SERGEF: variants seen among roughly 807,000 people sequenced by gnomAD.
SERGEF encodes the protein secretion-regulating guanine nucleotide exchange factor.
In SERGEF, 51 loss-of-function variants were observed where a neutral mutation model predicts 50.0. The observed-to-expected ratio is 1.02, with a 90% confidence interval of 0.81 to 1.29. The LOEUF is 1.29. SERGEF is among the 50% of genes most tolerant of loss of function. The pLI is 0.00. For missense variants in SERGEF, 521 were observed against 557.0 expected (o/e 0.94, Z 0.65); for synonymous variants, 205 against 212.4 (o/e 0.97, Z 0.30).
Position 17,959,528 on chromosome 11 carries a change from C to A in SERGEF, c.953G>T (p.Cys318Phe), listed in dbSNP as rs1202676165. The part of the protein sequence containing the change: ...KLEKQDSFLP[C>F]SRPPNSMPSS... Reference sequence around the variant, plus strand: ...AGGCATGCTGTTCGGTGGTCTTGAACAGGGGAGAAATGAATCTTGCTTTTC... The same window carrying A: ...AGGCATGCTGTTCGGTGGTCTTGAAAAGGGGAGAAATGAATCTTGCTTTTC... Residue 318 changes from cysteine to phenylalanine, a missense_variant, in exon 9 of 11, where the codon TGT (cysteine) becomes TTT (phenylalanine). Cys to Phe is a radical substitution (Grantham distance 205). Transcript: ENST00000265965. 8 of 1,614,102 alleles carry A rather than the reference C, an allele frequency of 5.0e-6. No individual in the cohort carries two copies. In the Middle Eastern group the frequency reaches 6.6e-4, roughly 133 times the overall value.
intron 4 of SERGEF, chr11:18,002,060 T>C (rs1170179784): frequency 2.2e-6 from 1 of 456,108 alleles, no homozygotes; most frequent in Non-Finnish European, 4.4e-6. Flanking sequence ...ACTATACTTC[T>C]GTCAATGGAG....
chr11:18,002,490 G>C (rs1853983741), intron 4 of SERGEF, among the ~76,000 whole-genome samples: 2 of 152,130 alleles, frequency 1.3e-5, no homozygotes, highest in Admixed American at 6.5e-5. Flanking sequence ...TCATTCCGTT[G>C]CACCTTTGCT....
chr11:17,936,685 G>T (rs541750319), intron 9 of SERGEF, among the ~76,000 whole-genome samples: 2 of 152,164 alleles, frequency 1.3e-5, no homozygotes. Flanking sequence ...ATTTCACAGA[G>T]AGACTCACAG....
chr11:17,846,584 C>T (rs967256680), intron 10 of SERGEF: 5 of 413,294 alleles, frequency 1.2e-5, no homozygotes, highest in Non-Finnish European at 2.0e-5. Flanking sequence ...TAAAAAATCA[C>T]CTCCAGCATG....
intron 9 of SERGEF, among the ~76,000 whole-genome samples, chr11:17,898,576 A>G (rs923476928): frequency 2.6e-5 from 4 of 152,240 alleles, no homozygotes; most frequent in African/African-American, 9.6e-5. Context: ...TCCACTGAAT[A>G]TCTAATGGCC....
At position 17,896,883 on chromosome 11, in the gene SERGEF, G is replaced by GT. The variant is rs549692747; in HGVS notation, c.1012-18640_1012-18639insA. Among the ~76,000 whole-genome samples the GT allele has an allele frequency of 8.0e-3, 149 of 18,722 alleles. 23 individuals carry two copies. The highest frequency in any genetic ancestry group is 0.031 in the Middle Eastern group (1 of 32). The allele number at this position is 18,722 out of a possible 152,430, so 12.3% of individuals were successfully genotyped here. A position where few individuals can be genotyped will look rare whatever the true frequency, so the allele number is the denominator to read the frequency against. The stretch of plus-strand genomic sequence containing the variant: ...GAAGGGAAGGGAAGGGAAGGGAAGG[G>GT]AAGGGAAGGGAAGGGAAGGGAAGGG... On this transcript the variant is annotated intron_variant, in intron 9 of 10. Transcript: ENST00000265965.
intron 9 of SERGEF, among the ~76,000 whole-genome samples, chr11:17,957,864 A>G (rs1329741380): frequency 6.6e-6 from 1 of 152,154 alleles, no homozygotes; most frequent in Non-Finnish European, 1.5e-5. Context: ...AAAGACCAAG[A>G]GGGAAAAAAA....
At chr11:17,988,463 T>A (rs1408772475) in intron 8 of SERGEF, 134 bp downstream of exon 8, 1 of 800,970 alleles carries the variant, frequency 1.2e-6, no homozygotes. Flanking sequence ...GTGGCAGAAC[T>A]AGATCCCAGT....
At chr11:17,865,233 A>C (rs1358257302) in intron 10 of SERGEF, among the ~76,000 whole-genome samples, 1 of 152,254 alleles carries the variant, frequency 6.6e-6, no homozygotes, top group African/African-American at 2.4e-5. Flanking sequence ...ATGCTGGTGT[A>C]AACAAACCTA....
At chr11:17,848,092 G>A (rs1279191072) in intron 10 of SERGEF, among the ~76,000 whole-genome samples, 1 of 152,184 alleles carries the variant, frequency 6.6e-6, no homozygotes, top group Non-Finnish European at 1.5e-5. Flanking sequence ...ATTATTAAAT[G>A]CCAGGCCCTT....
chr11:17,978,794 C>T (rs1853433100), intron 8 of SERGEF, among the ~76,000 whole-genome samples: 1 of 152,144 alleles, frequency 6.6e-6, no homozygotes, highest in South Asian at 2.1e-4. Flanking sequence ...CTCCAGGGGC[C>T]CTTTCAGCTC....
At chr11:17,808,766 C>T (rs916168976) in intron 10 of SERGEF, among the ~76,000 whole-genome samples, 3 of 152,210 alleles carry the variant, frequency 2.0e-5, no homozygotes, top group South Asian at 2.1e-4. Flanking sequence ...GGGCCAACTT[C>T]GTAGCTAGTA....
intron 9 of SERGEF, among the ~76,000 whole-genome samples, chr11:17,912,193 G>C (rs1207195931): frequency 6.6e-6 from 1 of 152,084 alleles, no homozygotes; most frequent in Non-Finnish European, 1.5e-5. Context: ...AGGAGACAGG[G>C]GGATGACAAG....
intron 10 of SERGEF, among the ~76,000 whole-genome samples, chr11:17,803,204 C>T (rs1201519061): frequency 1.3e-5 from 2 of 152,262 alleles, no homozygotes; most frequent in Non-Finnish European, 2.9e-5. Flanking sequence ...AGGGTGGCTG[C>T]AGCCTCAGTT....
chr11:18,006,098 T>A (rs373663366), intron 3 of SERGEF, among the ~76,000 whole-genome samples: 23 of 152,372 alleles, frequency 1.5e-4, no homozygotes, highest in Admixed American at 1.0e-3. Flanking sequence ...AAACTCTCCT[T>A]AGAAAAGGTA....
intron 8 of SERGEF, among the ~76,000 whole-genome samples, chr11:17,976,179 A>G (rs1396621531): frequency 6.6e-6 from 1 of 152,122 alleles, no homozygotes; most frequent in Non-Finnish European, 1.5e-5. Context: ...CTGAGGTAAA[A>G]AGTCACTCTC....
In SERGEF at chr11:17,843,509, G is replaced by C. The variant is rs543109684; in HGVS notation, c.1048+34699C>G. Among the ~76,000 whole-genome samples the C allele has an allele frequency of 3.9e-5, 6 of 152,352 alleles. No homozygotes were observed. The South Asian group carries it at 1.2e-3, about 32-fold the overall frequency. On this transcript the variant is annotated intron_variant, in intron 10 of 10. Transcript: ENST00000265965. ...CTTAGGAGAAATCACTACACAGTAAGAGAAAGAGTTGAGATTCAAATCCAG... is the reference window on the plus strand; with the variant it reads ...CTTAGGAGAAATCACTACACAGTAACAGAAAGAGTTGAGATTCAAATCCAG...
At chr11:17,979,627 C>T (rs952449174) in intron 8 of SERGEF, among the ~76,000 whole-genome samples, 2 of 152,158 alleles carry the variant, frequency 1.3e-5, no homozygotes, top group South Asian at 4.1e-4. Context: ...ACAAGTAGAT[C>T]CTTTAGGTTT....
Position 17,973,400 on chromosome 11 carries a change from C to A in SERGEF, c.845-13764G>T, listed in dbSNP as rs560596322. 5.9e-5 allele frequency among the ~76,000 whole-genome samples: 9 copies of A among 152,236 alleles called. No homozygotes were observed. In the South Asian group the frequency reaches 1.5e-3, roughly 25 times the overall value. ...CCACCTCTGAAACCCCAAGACATCC[C>A]ACAACCCCCTAGAAATACTATTTGC... is the stretch of plus-strand genomic sequence containing the variant. On this transcript the variant is annotated intron_variant, in intron 8 of 10. Coordinates refer to ENST00000265965, the MANE Select transcript of SERGEF (RefSeq NM_012139.4).
Sources: allele counts gnomAD v4.1 joint callset (sites outside exome capture counted in the v4.1 genomes callset), GRCh38; gene constraint gnomAD v4.1.1; transcripts MANE v1.5; gene names NCBI Gene and HGNC (gene_info 2026-07-23, HGNC 2026-07-21).